Variants in HMGA2 observed in about 807,000 individuals in gnomAD.
The protein encoded by HMGA2 is high mobility group AT-hook 2, also known as high mobility group protein HMGI-C.
HMGA2 carries 8 observed loss-of-function variants against 19.1 expected under a neutral mutation model. The ratio of observed to expected loss-of-function variants is 0.42; its 90% confidence interval spans 0.25 to 0.76. HMGA2 has a LOEUF of 0.76. HMGA2 is among the 30% of genes least tolerant of loss of function. The pLI, the probability that HMGA2 is intolerant of heterozygous loss-of-function variation, is 0.28. For synonymous variants in HMGA2, 60 were observed against 48.8 expected, an observed-to-expected ratio of 1.23 and a Z score of -0.96; for missense variants, 109 against 136.3, an observed-to-expected ratio of 0.80 and a Z score of 1.00.
chr12:65,962,971 C>T (rs1876794898), intron 4 of HMGA2, among the ~76,000 whole-genome samples: 1 of 152,146 alleles, frequency 6.6e-6, no homozygotes, highest in African/African-American at 2.4e-5. Context: ...CCCTGACATT[C>T]TCTGGACAGC....
chr12:65,956,076 C>T (rs908975010), intron 4 of HMGA2: 3 of 151,950 alleles, frequency 2.0e-5, no homozygotes, highest in African/African-American at 7.3e-5. Context: ...CTCTAACACT[C>T]GTCTTTTACA....
At chr12:65,902,464 A>C in intron 3 of HMGA2, among the ~76,000 whole-genome samples, 1 of 152,186 alleles carries the variant, frequency 6.6e-6, no homozygotes, top group East Asian at 1.9e-4. Context: ...CTGACTCAAA[A>C]ATTCTCTGTC....
chr12:65,920,960 T>A (rs1381565460), intron 3 of HMGA2, among the ~76,000 whole-genome samples: 1 of 152,210 alleles, frequency 6.6e-6, no homozygotes, highest in East Asian at 1.9e-4. Flanking sequence ...AATGTGGGAA[T>A]GTTTGGAACT....
chr12:65,892,032 T>G (rs1009469900), intron 3 of HMGA2, among the ~76,000 whole-genome samples: 7 of 152,232 alleles, frequency 4.6e-5, no homozygotes, highest in Non-Finnish European at 7.3e-5. Flanking sequence ...ATGCGCTGCC[T>G]TGTCTTCTCG....
chr12:65,943,190 C>T (rs1029787278), intron 3 of HMGA2, among the ~76,000 whole-genome samples: 12 of 152,212 alleles, frequency 7.9e-5, no homozygotes, highest in African/African-American at 2.7e-4. Flanking sequence ...CAGTTCCTGC[C>T]TGTCATATAG....
At chr12:65,836,219 T>C (rs1238953259) in intron 2 of HMGA2, among the ~76,000 whole-genome samples, 3 of 151,322 alleles carry the variant, frequency 2.0e-5, no homozygotes, top group Non-Finnish European at 2.9e-5. Flanking sequence ...ATTAGCCGGG[T>C]GTGGTGGCAG....
At chr12:65,939,169 A>G (rs1033774508) in intron 3 of HMGA2, among the ~76,000 whole-genome samples, 3 of 152,114 alleles carry the variant, frequency 2.0e-5, no homozygotes, top group African/African-American at 4.8e-5. Flanking sequence ...TAGATGGCCA[A>G]TTTCCCTGCT....
chr12:65,934,553 G>A (rs1274034183), intron 3 of HMGA2, among the ~76,000 whole-genome samples: 1 of 152,100 alleles, frequency 6.6e-6, no homozygotes, highest in Non-Finnish European at 1.5e-5. Flanking sequence ...TGGCCTCTAT[G>A]TTTTCTACCA....
intron 3 of HMGA2, among the ~76,000 whole-genome samples, chr12:65,907,564 C>T (rs1337942758): frequency 1.3e-5 from 2 of 152,098 alleles, no homozygotes; most frequent in South Asian, 2.1e-4. Context: ...GTCTATGCCC[C>T]TCTTTGGAGG....
chr12:65,832,573 C>T (rs1715202672), intron 2 of HMGA2, among the ~76,000 whole-genome samples: 1 of 151,910 alleles, frequency 6.6e-6, no homozygotes, highest in South Asian at 2.1e-4. Context: ...CATGTCTTGT[C>T]TTGTTAGTTG....
At chr12:65,858,706 G>T (rs1324914798) in intron 3 of HMGA2, 1 of 152,088 alleles carries the variant, frequency 6.6e-6, no homozygotes, top group African/African-American at 2.4e-5. Context: ...AAATATTGCA[G>T]TAATGGTGAA....
intron 3 of HMGA2, chr12:65,948,334 G>T (rs1035937403): frequency 6.6e-6 from 1 of 152,166 alleles, no homozygotes; most frequent in Non-Finnish European, 1.5e-5. Flanking sequence ...CTAGTGGCCA[G>T]TCGTGTTTTT....
intron 2 of HMGA2, among the ~76,000 whole-genome samples, chr12:65,836,223 G>A (rs1000195652): frequency 6.6e-6 from 1 of 152,112 alleles, no homozygotes; most frequent in Non-Finnish European, 1.5e-5. Context: ...GCCGGGTGTG[G>A]TGGCAGGCGC....
intron 3 of HMGA2, among the ~76,000 whole-genome samples, chr12:65,866,247 T>C (rs964485961): frequency 4.6e-5 from 7 of 152,236 alleles, no homozygotes; most frequent in East Asian, 1.9e-4. Flanking sequence ...CCTAGTCTTG[T>C]GGCTCTTACA....
intron 3 of HMGA2, among the ~76,000 whole-genome samples, chr12:65,893,213 T>C (rs899086488): frequency 6.6e-6 from 1 of 152,158 alleles, no homozygotes; most frequent in Non-Finnish European, 1.5e-5. Context: ...CAGGAGGACC[T>C]TTAAGGGCTG....
intron 3 of HMGA2, among the ~76,000 whole-genome samples, chr12:65,889,812 G>GGACT (rs1873825905): frequency 6.6e-6 from 1 of 152,152 alleles, no homozygotes; most frequent in South Asian, 2.1e-4. Context: ...ATCTGCTGTA[G>GGACT]GACTCAATAG....
intron 3 of HMGA2, chr12:65,942,611 C>T (rs1308187363): frequency 6.6e-6 from 1 of 152,136 alleles, no homozygotes; most frequent in African/African-American, 2.4e-5. Context: ...AAGTCAACTT[C>T]TGAGACTGTG....
At chr12:65,932,878 T>C (rs1875764985) in intron 3 of HMGA2, among the ~76,000 whole-genome samples, 1 of 152,210 alleles carries the variant, frequency 6.6e-6, no homozygotes, top group African/African-American at 2.4e-5. Flanking sequence ...AAGGATGTCC[T>C]CACTTTATAA....
chr12:65,842,874 G>T, intron 3 of HMGA2: 1 of 1,279,450 alleles, frequency 7.8e-7, no homozygotes, highest in Non-Finnish European at 9.9e-7. Context: ...TAGAGAGTGG[G>T]GCTCAGGCTC....
Sources: gnomAD v4.1 joint callset for allele counts (sites outside exome capture counted in the v4.1 genomes callset) on GRCh38, gnomAD v4.1.1 for gene constraint, MANE v1.5 for transcripts, NCBI Gene and HGNC (gene_info 2026-07-23, HGNC 2026-07-21) for gene names.